SPAG16: variants seen among roughly 807,000 people sequenced by gnomAD.
The protein encoded by SPAG16 is sperm-associated antigen 16 protein.
In SPAG16, 86 loss-of-function variants were observed where a neutral mutation model predicts 80.4. The ratio of observed to expected loss-of-function variants is 1.07; its 90% CI spans 0.90 to 1.28. The LOEUF (loss-of-function observed/expected upper bound fraction) is 1.28. Among genes scored for constraint, SPAG16 ranks in the 50% most tolerant of loss-of-function variants. The probability of loss-of-function intolerance (pLI) is 0.00; values close to 1 mark genes in which losing one functional copy is unlikely to be tolerated. For missense variants in SPAG16, 870 were observed against 765.3 expected (o/e 1.14, Z -1.61); for synonymous variants, 294 against 265.9 (o/e 1.11, Z -1.03).
At chr2:214,388,391 C>T (rs1700879375) in intron 15 of SPAG16, among the ~76,000 whole-genome samples, 1 of 151,968 alleles carries the variant, frequency 6.6e-6, no homozygotes, top group African/African-American at 2.4e-5. Context: ...GGTATACCTG[C>T]CTGTGTCTGT....
chr2:213,967,064 T>C (rs921905754), intron 12 of SPAG16, among the ~76,000 whole-genome samples: 3 of 152,226 alleles, frequency 2.0e-5, no homozygotes, highest in African/African-American at 7.2e-5. Flanking sequence ...CTTAGTTCAA[T>C]CTAATTCTAT....
At chr2:214,180,877 A>G (rs1468869948) in intron 15 of SPAG16, among the ~76,000 whole-genome samples, 1 of 151,674 alleles carries the variant, frequency 6.6e-6, no homozygotes, top group Non-Finnish European at 1.5e-5. Flanking sequence ...TTTAATCTTT[A>G]CCTAGTTTAA....
intron 10 of SPAG16, among the ~76,000 whole-genome samples, chr2:213,670,774 T>C (rs2063787869): frequency 6.6e-6 from 1 of 152,362 alleles, no homozygotes; most frequent in Non-Finnish European, 1.5e-5. Context: ...GGCTTTTAAA[T>C]GTGTTTACAA....
rs565149874 is a variant in SPAG16, at chr2:213,572,890, A to T, written c.1070+82800A>T. 5.1e-3 allele frequency among the ~76,000 whole-genome samples: 773 copies of T among 151,984 alleles called. 2 individuals carry two copies. Among genetic ancestry groups the T allele is most frequent in the Non-Finnish European group, 7.9e-3 (539 of 67,966 alleles). Reference sequence around the variant, plus strand: ...GACTGCTGTGCTAGCAATCAGTGAGACTCCGTGGGCGTAGGACCCTCCGAG... The same window carrying T: ...GACTGCTGTGCTAGCAATCAGTGAGTCTCCGTGGGCGTAGGACCCTCCGAG... On this transcript the variant is annotated intron_variant, in intron 10 of 15. Coordinates refer to ENST00000331683, the MANE Select transcript of SPAG16 (RefSeq NM_024532.5).
chr2:214,093,209 A>G (rs71428320), intron 13 of SPAG16, among the ~76,000 whole-genome samples: 13,490 of 151,986 alleles, frequency 0.089, 782 homozygotes, highest in East Asian at 0.28. Flanking sequence ...TATATATAAT[A>G]GTTGTATCTT....
chr2:213,473,099 C>T (rs574024193), intron 9 of SPAG16, among the ~76,000 whole-genome samples: 24 of 152,286 alleles, frequency 1.6e-4, no homozygotes, highest in South Asian at 4.1e-4. Flanking sequence ...GTCCCTTCTA[C>T]GTAGAAGTTT....
chr2:213,301,766 A>T (rs1445666905), intron 3 of SPAG16, among the ~76,000 whole-genome samples: 1 of 152,116 alleles, frequency 6.6e-6, no homozygotes, highest in African/African-American at 2.4e-5. Flanking sequence ...CCTTCTTGAT[A>T]TGCTTCCTGT....
Position 213,842,263 on chromosome 2 carries a change from G to A in SPAG16, c.1071-20222G>A, listed in dbSNP as rs565413290. ...AAAAACTTAAGTCTAATAACATATC[G>A]TAGCAGATATATTGTGCACTTTTAT... On this transcript the variant is annotated intron_variant, in intron 10 of 15. Coordinates refer to ENST00000331683, the MANE Select transcript of SPAG16 (RefSeq NM_024532.5). Among the ~76,000 whole-genome samples the A allele has an allele frequency of 3.9e-5, 6 of 152,148 alleles. 1 individual carries two copies. The highest frequency in any genetic ancestry group is 4.1e-4 in the South Asian group (2 of 4,828).
chr2:213,794,794 T>G (rs539006442), intron 10 of SPAG16, among the ~76,000 whole-genome samples: 1 of 152,246 alleles, frequency 6.6e-6, no homozygotes, highest in East Asian at 1.9e-4. Context: ...AAAACAAATT[T>G]GGATAAGATA....
chr2:214,161,947 C>T (rs1209032275), intron 15 of SPAG16, among the ~76,000 whole-genome samples: 1 of 152,002 alleles, frequency 6.6e-6, no homozygotes, highest in Non-Finnish European at 1.5e-5. Context: ...AGAATATCAA[C>T]CCTGCTGTTA....
At chr2:214,262,691 T>G (rs193213144) in intron 15 of SPAG16, among the ~76,000 whole-genome samples, 1 of 152,020 alleles carries the variant, frequency 6.6e-6, no homozygotes, top group Admixed American at 6.6e-5. Context: ...GTTGACTAAG[T>G]GATTCCAAGA....
intron 14 of SPAG16, among the ~76,000 whole-genome samples, chr2:214,120,573 G>A (rs1459826067): frequency 6.6e-6 from 1 of 151,666 alleles, no homozygotes; most frequent in African/African-American, 2.4e-5. Flanking sequence ...AAATCAAAAA[G>A]TTCACTGAAA....
chr2:214,045,284 C>G (rs1323107860), intron 13 of SPAG16, among the ~76,000 whole-genome samples: 1 of 152,114 alleles, frequency 6.6e-6, no homozygotes, highest in East Asian at 1.9e-4. Flanking sequence ...CTAGATATAC[C>G]CTGGGCCAGA....
intron 9 of SPAG16, among the ~76,000 whole-genome samples, chr2:213,453,879 A>C (rs1211925985): frequency 3.3e-5 from 5 of 152,240 alleles, no homozygotes; most frequent in Non-Finnish European, 5.9e-5. Flanking sequence ...TGTGTCCAAA[A>C]ACATTGCAGA....
At chr2:214,342,340 T>A (rs1358814143) in intron 15 of SPAG16, among the ~76,000 whole-genome samples, 1 of 152,136 alleles carries the variant, frequency 6.6e-6, no homozygotes, top group Non-Finnish European at 1.5e-5. Flanking sequence ...AAGTGAAGCT[T>A]CATCTGTATT....
chr2:214,140,947 TG>T lies in SPAG16; in HGVS notation c.1594-8187del, dbSNP rs2055324978. ...TATCCCATTGGTGGGGGGGGGGGGG[TG>T]GGGGGTGGGGGGATGTGACAGAGAG... On this transcript the variant is annotated intron_variant, in intron 14 of 15. Coordinates refer to ENST00000331683, the MANE Select transcript of SPAG16 (RefSeq NM_024532.5). 2.7e-4 allele frequency among the ~76,000 whole-genome samples: 5 copies of T among 18,448 alleles called. 1 individual carries two copies. Among genetic ancestry groups the T allele is most frequent in the South Asian group, 2.3e-3 (1 of 434 alleles). 12.1% of individuals were successfully genotyped at this position (18,448 alleles called of 152,430 possible). A position where few individuals can be genotyped will look rare whatever the true frequency, so the allele number is the denominator to read the frequency against.
chr2:214,293,207 G>C (rs1249739275), intron 15 of SPAG16, among the ~76,000 whole-genome samples: 7 of 152,194 alleles, frequency 4.6e-5, no homozygotes, highest in Admixed American at 4.6e-4. Context: ...TGGGCCTCTG[G>C]GCAGTGGTGT....
intron 13 of SPAG16, among the ~76,000 whole-genome samples, chr2:214,050,562 A>G (rs2049589726): frequency 6.6e-6 from 1 of 152,194 alleles, no homozygotes; most frequent in South Asian, 2.1e-4. Flanking sequence ...ATAGAACAGA[A>G]TTGGGACTCT....
intron 1 of SPAG16, among the ~76,000 whole-genome samples, chr2:213,291,119 G>A (rs1260217804): frequency 6.6e-6 from 1 of 152,096 alleles, no homozygotes; most frequent in Non-Finnish European, 1.5e-5. Flanking sequence ...GTCAAATCTG[G>A]GGGTTATTTT....
Sources: gnomAD v4.1 joint callset for allele counts (sites outside exome capture counted in the v4.1 genomes callset) on GRCh38, gnomAD v4.1.1 for gene constraint, MANE v1.5 for transcripts, NCBI Gene and HGNC (gene_info 2026-07-23, HGNC 2026-07-21) for gene names.